GBX2: variants seen among roughly 807,000 people sequenced by gnomAD.
GBX2 encodes gastrulation brain homeobox 2.
In GBX2, 5 loss-of-function variants were observed where a neutral mutation model predicts 22.4. The observed-to-expected ratio is 0.22, with a 90% confidence interval of 0.12 to 0.47. The LOEUF is 0.47. Among genes scored for constraint, GBX2 ranks in the 20% least tolerant of loss-of-function variants. GBX2 has a pLI of 0.99. For synonymous variants in GBX2, 220 were observed against 230.5 expected (o/e 0.95, Z 0.41); for missense variants, 470 against 495.4 (o/e 0.95, Z 0.49).
In GBX2 at chr2:236,168,080, G is replaced by C. The variant is rs914835096; in HGVS notation, c.-109C>G. ...CCGCCGGGAGCGCCGGGCAGGGGCC[G>C]AGCGGGACCCGGAGAGCAGACGCCT... On this transcript the variant is annotated 5_prime_UTR_variant, in exon 1 of 2. Transcript: ENST00000306318. 5 of 1,216,452 alleles carry C rather than the reference G, an allele frequency of 4.1e-6. No individual in the cohort carries two copies. The highest frequency in any genetic ancestry group is 5.3e-6 in the Non-Finnish European group (5 of 949,972). The allele number at this position is 1,216,452 out of a possible 1,614,324, so 75.4% of individuals were successfully genotyped here.
downstream of GBX2, among the ~76,000 whole-genome samples, chr2:236,162,553 C>T (rs1008685202): frequency 6.6e-6 from 1 of 152,176 alleles, no homozygotes; most frequent in Non-Finnish European, 1.5e-5. Flanking sequence ...TTTCAGCATA[C>T]CTTGGGTTCT....
At chr2:236,162,283 C>T (rs2060216696), downstream of GBX2, among the ~76,000 whole-genome samples, 2 of 152,210 alleles carry the variant, frequency 1.3e-5, no homozygotes, top group South Asian at 4.1e-4. Context: ...GGGGCCACTC[C>T]CTGCTCTCCA....
chr2:236,167,636 G>T lies in GBX2; in HGVS notation c.336C>A (p.Phe112Leu). 1 of 1,593,534 alleles carries T rather than the reference G, an allele frequency of 6.3e-7. No homozygotes were observed. Among genetic ancestry groups the T allele is most frequent in the Non-Finnish European group, 8.5e-7 (1 of 1,174,878 alleles). ...CCTCCTGGTGCTGGGGCGACGCGGAGAAGCCGCCGGGGAGCGTGGCCATGA... is the reference window on the plus strand; with the variant it reads ...CCTCCTGGTGCTGGGGCGACGCGGATAAGCCGCCGGGGAGCGTGGCCATGA... Reference protein sequence around the residue: ...STLMATLPGGFSASPQHQEAA... With the variant: ...STLMATLPGGLSASPQHQEAA... The change falls in exon 1 of 2, where the codon TTC becomes TTA. Residue 112 changes from phenylalanine to leucine, a missense_variant. Transcript: ENST00000306318.
downstream of GBX2, among the ~76,000 whole-genome samples, chr2:236,164,222 A>C (rs1449112818): frequency 2.0e-5 from 3 of 151,978 alleles, no homozygotes; most frequent in African/African-American, 7.2e-5. Context: ...TTCGGCTGAG[A>C]ACCTCGCCGA....
At position 236,167,480 on chromosome 2, in the gene GBX2, G is replaced by T; in HGVS notation, c.492C>A (p.Phe164Leu). Reference protein sequence around the residue: ...FLAKEGSLLAFSAAETVQASL... With the variant: ...FLAKEGSLLALSAAETVQASL... ...AAGCCTGCACCGTCTCGGCCGCGGA[G>T]AAGGCGAGCAGCGAGCCCTCTTTGG... Residue 164 changes from phenylalanine to leucine, a missense_variant, in exon 1 of 2, where the codon TTC (phenylalanine) becomes TTA (leucine). Physicochemically the swap from Phe to Leu is conservative, Grantham distance 22. This residue lies in a region of GBX2 where 377 missense variants were observed against 358.6 expected (regional missense o/e 1.05). Transcript: ENST00000306318. The T allele has an allele frequency of 1.3e-6, 2 of 1,582,968 alleles. No individual in the cohort carries two copies. Among genetic ancestry groups the T allele is most frequent in the Non-Finnish European group, 1.7e-6 (2 of 1,171,398 alleles).
At chr2:236,161,350 G>C (rs1324304264), downstream of GBX2, among the ~76,000 whole-genome samples, 1 of 152,248 alleles carries the variant, frequency 6.6e-6, no homozygotes, top group Middle Eastern at 3.2e-3. Flanking sequence ...TTTTGATGAT[G>C]TAATTTATAA....
intron 1 of GBX2, 52 bp downstream of exon 1, chr2:236,167,397 G>A: frequency 7.3e-7 from 1 of 1,365,054 alleles, no homozygotes; most frequent in Non-Finnish European, 9.5e-7. Flanking sequence ...GCGCTGGCCC[G>A]CCCCCGCCTC....
At chr2:236,167,108 A>G in intron 1 of GBX2, 1 of 1,532,346 alleles carries the variant, frequency 6.5e-7, no homozygotes, top group Non-Finnish European at 8.7e-7. Context: ...CGCGCAGCCC[A>G]ACCCGTCTCC....
At chr2:236,163,746 G>A (rs999187234), downstream of GBX2, among the ~76,000 whole-genome samples, 8 of 152,224 alleles carry the variant, frequency 5.3e-5, no homozygotes, top group African/African-American at 1.9e-4. Context: ...TGCTGCAGCA[G>A]CGTCGTGTGG....
Position 236,167,690 on chromosome 2 carries a change from C to T in GBX2, c.282G>A (p.Leu94=), listed in dbSNP as rs2060250020. 8 of 1,578,054 alleles carry T rather than the reference C, an allele frequency of 5.1e-6. No individual in the cohort carries two copies. The highest frequency in any genetic ancestry group is 6.9e-6 in the Non-Finnish European group (8 of 1,166,410). The change falls in exon 1 of 2, where the codon CTG becomes CTA. Residue 94 remains leucine (L), a synonymous_variant. Transcript: ENST00000306318. The stretch of plus-strand genomic sequence containing the variant: ...TAGAGGTGAGCGCCATGCCCTGCGC[C>T]AGGCTGGAGCAGAAGCCTGTGGGCA... ...PSLPTGFCSS[L]AQGMALTSTL...
chr2:236,167,207 G>A, intron 1 of GBX2: 3 of 1,534,126 alleles, frequency 2.0e-6, no homozygotes, highest in Non-Finnish European at 2.6e-6. Context: ...TAGATATGTG[G>A]CCCAGGGCAG....
downstream of GBX2, among the ~76,000 whole-genome samples, chr2:236,162,382 G>A (rs528422896): frequency 7.4e-4 from 112 of 152,366 alleles, no homozygotes; most frequent in Middle Eastern, 3.4e-3. Flanking sequence ...ACTAAGTCTC[G>A]AAAATTCCAG....
rs1424205229 is a variant in GBX2, at chr2:236,168,023, G to GCCGCCGGGAAGC, written c.-64_-53dup. On this transcript the variant is annotated 5_prime_UTR_variant, in exon 1 of 2. Transcript: ENST00000306318. ...AGGCGAAAAGTCCCCGCGCCGCGCC[G>GCCGCCGGGAAGC]CCGCCGGGAAGCCCGCCGGACGCCG... The GCCGCCGGGAAGC allele has an allele frequency of 7.2e-7, 1 of 1,388,208 alleles. No individual in the cohort carries two copies. The highest frequency in any genetic ancestry group is 3.3e-5 in the Admixed American group (1 of 29,938). 86.0% of individuals were successfully genotyped at this position (1,388,208 alleles called of 1,614,324 possible). A position where few individuals can be genotyped will look rare whatever the true frequency, so the allele number is the denominator to read the frequency against.
At position 236,166,482 on chromosome 2, in the gene GBX2, G is replaced by C. The variant is rs1331758055; in HGVS notation, c.524-45C>G. On this transcript the variant is annotated intron_variant, in intron 1 of 1. Transcript: ENST00000306318. The surrounding 1 kb of genome is among the most constrained non-coding windows in gnomAD (Gnocchi z 6.6). ...GCATTTTATTACATTTCGCACACTG[G>C]CCTTCCTTTCTCCTTCCCACCGTCA... The C allele has an allele frequency of 1.3e-6, 2 of 1,559,802 alleles. No individual in the cohort carries two copies. Among genetic ancestry groups the C allele is most frequent in the Admixed American group, 3.5e-5 (2 of 57,622 alleles).
chr2:236,162,235 T>C (rs988424915), downstream of GBX2, among the ~76,000 whole-genome samples: 1 of 152,212 alleles, frequency 6.6e-6, no homozygotes, highest in African/African-American at 2.4e-5. Context: ...AGAGTCAGGA[T>C]GTCCTCCGAG....
At chr2:236,167,227 G>A (rs1322227260) in intron 1 of GBX2, 12 of 1,522,222 alleles carry the variant, frequency 7.9e-6, no homozygotes, top group African/African-American at 4.1e-5. Context: ...GCAGCTGGTC[G>A]CCGGGCGCTA....
chr2:236,168,179 G>C lies in GBX2; in HGVS notation c.-208C>G, dbSNP rs1414250478. On this transcript the variant is annotated 5_prime_UTR_variant, in exon 1 of 2. Transcript: ENST00000306318. Reference sequence around the variant, plus strand: ...GTGCGGGGTGAGGCCGTGCGCCCCGGAGTGGAGAGGGCGCCCGGGCCCCGA... The same window carrying C: ...GTGCGGGGTGAGGCCGTGCGCCCCGCAGTGGAGAGGGCGCCCGGGCCCCGA... 4 of 380,990 alleles carry C rather than the reference G, an allele frequency of 1.0e-5. No individual in the cohort carries two copies. The highest frequency in any genetic ancestry group is 1.7e-5 in the Non-Finnish European group (4 of 232,240). The allele number at this position is 380,990 out of a possible 1,614,324, so 23.6% of individuals were successfully genotyped here.
At chr2:236,162,412 A>C (rs1004742853), downstream of GBX2, among the ~76,000 whole-genome samples, 1 of 152,250 alleles carries the variant, frequency 6.6e-6, no homozygotes, top group African/African-American at 2.4e-5. Context: ...GGATTTGAGC[A>C]GCTTCCAGTG....
chr2:236,164,659 G>C (rs1237488843), downstream of GBX2, among the ~76,000 whole-genome samples: 4 of 152,124 alleles, frequency 2.6e-5, no homozygotes, highest in African/African-American at 4.8e-5. Flanking sequence ...CCCGCCCGGA[G>C]GGGGAGGTGC....
Sources: allele counts gnomAD v4.1 joint callset (sites outside exome capture counted in the v4.1 genomes callset), GRCh38; gene constraint gnomAD v4.1.1; regional missense constraint gnomAD v4.1.1; non-coding constraint Gnocchi (gnomAD v3.1); transcripts MANE v1.5; gene names NCBI Gene and HGNC (gene_info 2026-07-23, HGNC 2026-07-21).